Variants in AFAP1L2 observed in about 807,000 individuals in gnomAD.
AFAP1L2 encodes the protein actin filament-associated protein 1-like 2.
AFAP1L2 carries 46 observed loss-of-function variants against 99.3 expected under a neutral mutation model. The observed-to-expected ratio is 0.46, with a 90% CI of 0.37 to 0.59. The LOEUF (loss-of-function observed/expected upper bound fraction) is 0.59, where lower values mean the gene tolerates loss of function less well. Ranked by LOEUF, AFAP1L2 falls within the 20% of genes least tolerant of loss-of-function variation. The probability of loss-of-function intolerance (pLI) is 0.00; values close to 1 mark genes in which losing one functional copy is unlikely to be tolerated. For synonymous variants in AFAP1L2, 397 were observed against 419.1 expected (o/e 0.95, Z 0.64); for missense variants, 959 against 1,034.9 (o/e 0.93, Z 1.01).
At position 114,380,618 on chromosome 10, in the gene AFAP1L2, T is replaced by G. The variant is rs535449874; in HGVS notation, c.16+23822A>C. On this transcript the variant is annotated intron_variant, in intron 1 of 18. Coordinates refer to ENST00000304129, the MANE Select transcript of AFAP1L2 (RefSeq NM_001001936.3). Reference sequence around the variant, plus strand: ...AAAGTAAGAGTGAGGGAACATATCATAAAGCCACAATAATTAAAGCAGTAC... The same window carrying G: ...AAAGTAAGAGTGAGGGAACATATCAGAAAGCCACAATAATTAAAGCAGTAC... Among the ~76,000 whole-genome samples the G allele has an allele frequency of 2.2e-4, 33 of 152,280 alleles. No homozygotes were observed. In the East Asian group the frequency reaches 4.8e-3, roughly 22 times the overall value.
In AFAP1L2 at chr10:114,355,207, G is replaced by A. The variant is rs140677062; in HGVS notation, c.17-14476C>T. Among the ~76,000 whole-genome samples the A allele has an allele frequency of 6.4e-3, 979 of 152,014 alleles. 16 individuals are homozygous for A. Among genetic ancestry groups the A allele is most frequent in the African/African-American group, 0.022 (909 of 41,420 alleles). On this transcript the variant is annotated intron_variant, in intron 1 of 18. Coordinates refer to ENST00000304129, the MANE Select transcript of AFAP1L2 (RefSeq NM_001001936.3). ...ATAGCAGGCCTAGGGATGGATGCGG[G>A]TGGGGGGAGGTTGCCTCCCCCACAG...
chr10:114,324,803 C>G (rs927612319), intron 4 of AFAP1L2, among the ~76,000 whole-genome samples: 1 of 152,166 alleles, frequency 6.6e-6, no homozygotes, highest in Non-Finnish European at 1.5e-5. Flanking sequence ...GTGCCCTGAG[C>G]TCAGGTGGAC....
chr10:114,313,892 G>T lies in AFAP1L2; in HGVS notation c.771C>A (p.Asp257Glu). 6.2e-7 allele frequency: 1 copy of T among 1,612,474 alleles called. No homozygotes were observed. ...DVIVLGLQSK[D>E]QAEQWLRVIQ... is the part of the protein sequence containing the mutation. Reference sequence around the variant, plus strand: ...TCACCCTGAGCCACTGCTCAGCCTGGTCCTTGCTCTGCAGGCCCAGCACAA... The same window carrying T: ...TCACCCTGAGCCACTGCTCAGCCTGTTCCTTGCTCTGCAGGCCCAGCACAA... The change falls in exon 7 of 19, where the codon GAC becomes GAA. Residue 257 changes from aspartate to glutamate, a missense_variant. Asp to Glu is a conservative substitution (Grantham distance 45). This residue lies in a region of AFAP1L2 where 383 missense variants were observed against 472.8 expected (regional missense o/e 0.81). Transcript: ENST00000304129.
At chr10:114,355,055 C>T (rs572871135) in intron 1 of AFAP1L2, among the ~76,000 whole-genome samples, 2 of 152,310 alleles carry the variant, frequency 1.3e-5, no homozygotes, top group African/African-American at 4.8e-5. Context: ...AGTCCAAGCA[C>T]AAAATCGACA....
intron 4 of AFAP1L2, among the ~76,000 whole-genome samples, chr10:114,331,104 T>G (rs573397463): frequency 2.0e-5 from 3 of 151,668 alleles, no homozygotes; most frequent in African/African-American, 7.3e-5. Context: ...AGGCAGGACA[T>G]GCAGCTGAGC....
chr10:114,363,076 TTGGTGACAG>T (rs1001877066), intron 1 of AFAP1L2: 4 of 985,274 alleles, frequency 4.1e-6, no homozygotes, highest in Non-Finnish European at 4.8e-6. Context: ...GGCCCCTCAC[TTGGTGACAG>T]TGGGATCCGA....
At chr10:114,292,536 T>G (rs2133768763), downstream of AFAP1L2, among the ~76,000 whole-genome samples, 2 of 151,292 alleles carry the variant, frequency 1.3e-5, no homozygotes, top group Admixed American at 1.3e-4. Context: ...CAGGGATATT[T>G]GTACCTATGT....
At chr10:114,368,683 G>A (rs1209393490) in intron 1 of AFAP1L2, among the ~76,000 whole-genome samples, 1 of 151,840 alleles carries the variant, frequency 6.6e-6, no homozygotes, top group Admixed American at 6.6e-5. Context: ...CCAAAGTGCT[G>A]GGATTGCAGG....
chr10:114,335,287 C>A (rs947589169), intron 2 of AFAP1L2, among the ~76,000 whole-genome samples: 1 of 151,932 alleles, frequency 6.6e-6, no homozygotes, highest in Non-Finnish European at 1.5e-5. Context: ...ACATTCACTA[C>A]AATACTGCAT....
chr10:114,296,786 C>T (rs963377118), intron 18 of AFAP1L2, 192 bp downstream of exon 18: 5 of 834,306 alleles, frequency 6.0e-6, no homozygotes, highest in Non-Finnish European at 9.0e-6. Context: ...CAAGTGCAGA[C>T]ACCTTTCTGG....
chr10:114,294,410 C>T (rs895909400), downstream of AFAP1L2, among the ~76,000 whole-genome samples: 2 of 152,034 alleles, frequency 1.3e-5, no homozygotes, highest in Admixed American at 1.3e-4. Context: ...TTTCATATTG[C>T]CTTAGGTTGT....
intron 2 of AFAP1L2, among the ~76,000 whole-genome samples, chr10:114,337,079 G>T (rs1229103992): frequency 6.6e-6 from 1 of 152,218 alleles, no homozygotes; most frequent in Non-Finnish European, 1.5e-5. Context: ...GGCCTGGGAG[G>T]CCGAGGGAAA....
intron 1 of AFAP1L2, chr10:114,398,744 C>T (rs1268873831): frequency 8.4e-6 from 9 of 1,073,722 alleles, no homozygotes; most frequent in Admixed American, 2.9e-5. Context: ...GCTCCTTGAT[C>T]TCCCTCAACC....
At chr10:114,373,133 C>A (rs2054339477) in intron 1 of AFAP1L2, among the ~76,000 whole-genome samples, 1 of 152,208 alleles carries the variant, frequency 6.6e-6, no homozygotes, top group Admixed American at 6.5e-5. Flanking sequence ...GTCCCAGCTA[C>A]TCAGGAGGCT....
intron 10 of AFAP1L2, among the ~76,000 whole-genome samples, chr10:114,306,845 C>A (rs1214002770): frequency 6.6e-6 from 1 of 152,176 alleles, no homozygotes; most frequent in African/African-American, 2.4e-5. Flanking sequence ...AGGGACTGAG[C>A]TCCCAGGCCA....
chr10:114,370,894 A>G lies in AFAP1L2; in HGVS notation c.17-30163T>C, dbSNP rs541653471. On this transcript the variant is annotated intron_variant, in intron 1 of 18. Coordinates refer to ENST00000304129, the MANE Select transcript of AFAP1L2 (RefSeq NM_001001936.3). ...ATTCCTTATTTTTCCCCACTTTTCC[A>G]TAAATCCCATGTAACCGTTAAAGCC... Among the ~76,000 whole-genome samples, 132 of 152,230 alleles carry G rather than the reference A, an allele frequency of 8.7e-4. 1 individual carries two copies. The highest frequency in any genetic ancestry group is 3.1e-3 in the African/African-American group (127 of 41,528).
intron 11 of AFAP1L2, among the ~76,000 whole-genome samples, chr10:114,304,426 C>T (rs1256666651): frequency 2.0e-5 from 3 of 152,158 alleles, no homozygotes; most frequent in Non-Finnish European, 4.4e-5. Flanking sequence ...AACAAAACAA[C>T]ACCCACTTTG....
chr10:114,339,289 T>C (rs1045128259), intron 2 of AFAP1L2, among the ~76,000 whole-genome samples: 18 of 151,786 alleles, frequency 1.2e-4, no homozygotes, highest in Non-Finnish European at 1.8e-4. Context: ...TACTAAAAAA[T>C]ATAAAAAATT....
intron 3 of AFAP1L2, 76 bp from the exon 4 acceptor site, chr10:114,331,973 C>A: frequency 1.1e-6 from 1 of 933,076 alleles, no homozygotes. Context: ...CAGGAATGCC[C>A]GGTCACATGC....
Sources: gnomAD v4.1 joint callset for allele counts (sites outside exome capture counted in the v4.1 genomes callset) on GRCh38, gnomAD v4.1.1 for gene constraint, gnomAD v4.1.1 regional missense constraint, MANE v1.5 for transcripts, NCBI Gene and HGNC (gene_info 2026-07-23, HGNC 2026-07-21) for gene names.